The following SCAI variants were observed in gnomAD, a reference collection of about 807,000 sequenced individuals.
SCAI encodes protein SCAI.
In SCAI, 24 loss-of-function variants were observed where a neutral mutation model predicts 92.2. That is an observed-to-expected ratio of 0.26 (90% confidence interval 0.19 to 0.37). SCAI has a LOEUF of 0.37. Ranked by LOEUF, SCAI falls within the 10% of genes least tolerant of loss-of-function variation. The pLI is 1.00. For synonymous variants in SCAI, 261 were observed against 258.6 expected, an observed-to-expected ratio of 1.01 and a Z score of -0.09; for missense variants, 450 against 736.2, an observed-to-expected ratio of 0.61 and a Z score of 4.50.
At chr9:125,003,382 T>A in intron 10 of SCAI, 87 bp downstream of exon 10, 1 of 1,035,506 alleles carries the variant, frequency 9.7e-7, no homozygotes. Flanking sequence ...TATTCAAGGC[T>A]GTAGTATCTG....
chr9:125,029,803 G>T, intron 3 of SCAI, 64 bp from the exon 4 acceptor site: 1 of 973,036 alleles, frequency 1.0e-6, no homozygotes, highest in Non-Finnish European at 1.5e-6. Flanking sequence ...ATTATGTCTT[G>T]TGATGGTACA....
chr9:125,106,234 G>A (rs552107473), intron 2 of SCAI, among the ~76,000 whole-genome samples: 25 of 133,324 alleles, frequency 1.9e-4, no homozygotes, highest in African/African-American at 7.1e-4. Flanking sequence ...GTTTAAATTT[G>A]TAAGTGTAAG....
chr9:125,032,195 A>ATATTTT lies in SCAI; in HGVS notation c.231-2457_231-2456insAAAATA, dbSNP rs1177865840. Among the ~76,000 whole-genome samples, 144 of 99,438 alleles carry ATATTTT rather than the reference A, an allele frequency of 1.4e-3. 1 individual carries two copies. Among genetic ancestry groups the ATATTTT allele is most frequent in the East Asian group, 5.2e-3 (16 of 3,058 alleles). The allele number at this position is 99,438 out of a possible 152,430, so 65.2% of individuals were successfully genotyped here. A position where few individuals can be genotyped will look rare whatever the true frequency, so the allele number is the denominator to read the frequency against. On this transcript the variant is annotated intron_variant, in intron 3 of 17. Transcript: ENST00000336505. ...AATATATATATATATATATATATAT[A>ATATTTT]TTTTTTTTTTTTTTTGAGATGGAGT...
chr9:124,967,014 T>C (rs1004250351), intron 17 of SCAI, among the ~76,000 whole-genome samples: 4 of 152,080 alleles, frequency 2.6e-5, no homozygotes, highest in Non-Finnish European at 5.9e-5. Flanking sequence ...TAATAAATCC[T>C]TCTTTAAGTA....
At chr9:125,141,418 T>C (rs1414044011) in intron 2 of SCAI, among the ~76,000 whole-genome samples, 1 of 152,236 alleles carries the variant, frequency 6.6e-6, no homozygotes, top group East Asian at 1.9e-4. Context: ...TCTAGGTCAA[T>C]GCCAACATCT....
At chr9:125,016,041 G>T (rs1393603645) in intron 9 of SCAI, among the ~76,000 whole-genome samples, 1 of 92,754 alleles carries the variant, frequency 1.1e-5, no homozygotes, top group African/African-American at 4.3e-5. Flanking sequence ...GGGGCGGGGG[G>T]AGGGGGGAGG....
At chr9:125,026,972 C>A in intron 5 of SCAI, 62 bp from the exon 6 acceptor site, 1 of 977,414 alleles carries the variant, frequency 1.0e-6, no homozygotes, top group Non-Finnish European at 1.6e-6. Flanking sequence ...ATGGTAAATA[C>A]TTGTTCTATA....
chr9:125,033,666 G>A (rs1833130047), intron 3 of SCAI, among the ~76,000 whole-genome samples: 2 of 152,156 alleles, frequency 1.3e-5, no homozygotes, highest in South Asian at 2.1e-4. Flanking sequence ...AGTGATGGGT[G>A]CACGTAACCT....
intron 2 of SCAI, among the ~76,000 whole-genome samples, chr9:125,123,883 T>C (rs1417602978): frequency 6.6e-6 from 1 of 152,210 alleles, no homozygotes; most frequent in African/African-American, 2.4e-5. Flanking sequence ...TAGAAAAGAA[T>C]TTCCAGGACA....
chr9:125,117,585 G>A (rs1835072639), intron 2 of SCAI, among the ~76,000 whole-genome samples: 1 of 149,118 alleles, frequency 6.7e-6, no homozygotes, highest in Admixed American at 6.8e-5. Context: ...AGAAATGCTT[G>A]TGCCTGGGAG....
chr9:125,038,647 G>C, intron 3 of SCAI, among the ~76,000 whole-genome samples: 1 of 152,102 alleles, frequency 6.6e-6, no homozygotes, highest in East Asian at 1.9e-4. Context: ...TTATTCAGTT[G>C]TGTCATCTTC....
At chr9:125,142,726 A>T (rs1244120099) in intron 1 of SCAI, 49 bp from the exon 2 acceptor site, 19 of 1,523,332 alleles carry the variant, frequency 1.2e-5, no homozygotes, top group Non-Finnish European at 1.5e-5. Flanking sequence ...ATACAAGAAA[A>T]CATCTCCCGG....
At chr9:124,993,512 C>G (rs971055481) in intron 14 of SCAI, among the ~76,000 whole-genome samples, 2 of 152,160 alleles carry the variant, frequency 1.3e-5, no homozygotes, top group Non-Finnish European at 2.9e-5. Context: ...ATCGCTTGAA[C>G]CTGGGAGGCG....
At chr9:125,108,188 C>T (rs561665086) in intron 2 of SCAI, among the ~76,000 whole-genome samples, 631 of 152,388 alleles carry the variant, frequency 4.1e-3, no homozygotes, top group Non-Finnish European at 6.4e-3. Flanking sequence ...GCTACAACCT[C>T]CACCTCCCAG....
At chr9:125,073,940 TCTC>T (rs1382035325) in intron 2 of SCAI, among the ~76,000 whole-genome samples, 2 of 151,558 alleles carry the variant, frequency 1.3e-5, no homozygotes, top group East Asian at 2.0e-4. Flanking sequence ...GCACTCTCGT[TCTC>T]CTTTTTTTTT....
chr9:124,997,127 T>G (rs567997526), intron 13 of SCAI, among the ~76,000 whole-genome samples: 1 of 152,298 alleles, frequency 6.6e-6, no homozygotes, highest in South Asian at 2.1e-4. Context: ...AGGTTCAGTA[T>G]TCCTAATCTG....
rs541912387 is a variant in SCAI at position 125,082,030 on chromosome 9, A to G, written c.99-26023T>C. On this transcript the variant is annotated intron_variant, in intron 2 of 17. Transcript: ENST00000336505. Reference sequence around the variant, plus strand: ...GAGCCCAAAATTAATCCCCAAGACTATGGAAAAAATGTCCAGGGAATGTCA... The same window carrying G: ...GAGCCCAAAATTAATCCCCAAGACTGTGGAAAAAATGTCCAGGGAATGTCA... Among the ~76,000 whole-genome samples the G allele has an allele frequency of 2.0e-5, 3 of 152,290 alleles. No homozygotes were observed. In the East Asian group the frequency reaches 5.8e-4, roughly 29 times the overall value.
intron 13 of SCAI, among the ~76,000 whole-genome samples, chr9:124,998,757 G>T (rs1208438649): frequency 6.6e-6 from 1 of 151,996 alleles, no homozygotes; most frequent in Non-Finnish European, 1.5e-5. Flanking sequence ...GAGTAGGTAG[G>T]ACCACAGGCG....
intron 2 of SCAI, among the ~76,000 whole-genome samples, chr9:125,113,692 G>A (rs1235567911): frequency 1.5e-5 from 2 of 137,364 alleles, no homozygotes; most frequent in African/African-American, 5.6e-5. Context: ...GCTGGGCACA[G>A]TGGCTCACAC....
Sources: gnomAD v4.1 joint callset for allele counts (sites outside exome capture counted in the v4.1 genomes callset) on GRCh38, gnomAD v4.1.1 for gene constraint, MANE v1.5 for transcripts, NCBI Gene and HGNC (gene_info 2026-07-23, HGNC 2026-07-21) for gene names.